C1QTNF1: variants seen among roughly 807,000 people sequenced by gnomAD.
C1QTNF1 encodes C1q and TNF related 1.
A neutral mutation model predicts 27.8 loss-of-function variants in C1QTNF1; 22 were observed. The observed-to-expected ratio is 0.79, with a 90% CI of 0.56 to 1.13. C1QTNF1 has a LOEUF of 1.13. Ranked by LOEUF, C1QTNF1 falls within the 50% of genes most tolerant of loss-of-function variation. The pLI is 0.00. For missense variants in C1QTNF1, 373 were observed against 380.2 expected, an observed-to-expected ratio of 0.98 and a Z score of 0.16; for synonymous variants, 166 against 154.3, an observed-to-expected ratio of 1.08 and a Z score of -0.56.
intron 1 of C1QTNF1, among the ~76,000 whole-genome samples, chr17:79,038,219 A>C (rs1170617672): frequency 6.6e-6 from 1 of 151,592 alleles, no homozygotes; most frequent in African/African-American, 2.4e-5. Context: ...TGAACTCCTG[A>C]CCTCAGGTGA....
In C1QTNF1 at chr17:79,048,346, T is replaced by G; in HGVS notation, c.*258T>G. 1 of 420,302 alleles carries G rather than the reference T, an allele frequency of 2.4e-6. No individual in the cohort carries two copies. The highest frequency in any genetic ancestry group is 7.4e-5 in the South Asian group (1 of 13,566). 26.0% of individuals were successfully genotyped at this position (420,302 alleles called of 1,614,324 possible). On this transcript the variant is annotated 3_prime_UTR_variant, in exon 4 of 4. Transcript: ENST00000579760. ...TCCGCGGCCCTCTCTGCACACATCC[T>G]CAAGTGACCCCGCACGGCGAGACGC...
chr17:79,031,211 T>C (rs1485560730), intron 1 of C1QTNF1, among the ~76,000 whole-genome samples: 1 of 150,734 alleles, frequency 6.6e-6, no homozygotes. Flanking sequence ...TTCACCATGT[T>C]AGCCAGGATG....
chr17:79,025,571 T>G (rs1402310340), intron 1 of C1QTNF1: 1 of 152,606 alleles, frequency 6.6e-6, no homozygotes, highest in African/African-American at 2.4e-5. Flanking sequence ...GCATGTGATG[T>G]CCTTACAGGC....
At chr17:79,047,238 C>CTTTTTTTTTTTT (rs372840829) in intron 3 of C1QTNF1, 3 of 261,836 alleles carry the variant, frequency 1.1e-5, no homozygotes, top group African/African-American at 7.5e-5. Context: ...TTTTTCTTTT[C>CTTTTTTTTTTTT]TTTTTTTTTT....
upstream of C1QTNF1, among the ~76,000 whole-genome samples, chr17:79,023,693 T>TGCGCGC (rs143597397): frequency 1.5e-4 from 21 of 136,214 alleles, no homozygotes; most frequent in African/African-American, 4.5e-4. Flanking sequence ...CCAAAGGTGA[T>TGCGCGC]GCGCGCGCGC....
In C1QTNF1 at chr17:79,046,581, G is replaced by A. The variant is rs1293529531; in HGVS notation, c.182G>A (p.Arg61Lys). 1 of 1,614,074 alleles carries A rather than the reference G, an allele frequency of 6.2e-7. No individual in the cohort carries two copies. Among genetic ancestry groups the A allele is most frequent in the African/African-American group, 1.3e-5 (1 of 74,942 alleles). Residue 61 changes from arginine (R) to lysine (K), a missense_variant, in exon 3 of 4, where the codon AGG becomes AAG. Coordinates refer to ENST00000579760, the MANE Select transcript of C1QTNF1 (RefSeq NM_030968.5). The surrounding 1 kb of genome is among the most constrained non-coding windows in gnomAD (Gnocchi z 4.8). ...ERAEEQHEKY[R>K]PSQDQGLPAS... ...GCTGAAGAACAACATGAAAAATACAGGCCCAGTCAGGACCAGGGGCTCCCT... is the reference window on the plus strand; with the variant it reads ...GCTGAAGAACAACATGAAAAATACAAGCCCAGTCAGGACCAGGGGCTCCCT...
intron 3 of C1QTNF1, chr17:79,047,002 GC>G: frequency 2.8e-6 from 1 of 355,552 alleles, no homozygotes. Flanking sequence ...TAGGCCCTTT[GC>G]TTTGGGGCTT....
chr17:79,030,477 TTC>T (rs1568060977), intron 1 of C1QTNF1, among the ~76,000 whole-genome samples: 5 of 112,010 alleles, frequency 4.5e-5, no homozygotes, highest in Admixed American at 1.9e-4. Context: ...CTTTCTTTCT[TTC>T]TTTCTTTTTC....
At chr17:79,042,595 G>A (rs1028843801) in intron 1 of C1QTNF1, among the ~76,000 whole-genome samples, 6 of 152,246 alleles carry the variant, frequency 3.9e-5, no homozygotes, top group Admixed American at 3.3e-4. Context: ...CCTACCCACC[G>A]GTGAAGGACC....
intron 2 of C1QTNF1, among the ~76,000 whole-genome samples, chr17:79,044,973 C>CG (rs951127682): frequency 2.4e-4 from 37 of 152,268 alleles, no homozygotes; most frequent in African/African-American, 8.4e-4. Context: ...CCCCCAGGCA[C>CG]GGGGGGACAC....
intron 1 of C1QTNF1, among the ~76,000 whole-genome samples, chr17:79,040,727 C>T (rs1229599150): frequency 2.4e-5 from 2 of 82,864 alleles, no homozygotes; most frequent in African/African-American, 6.1e-5. Context: ...AAATTTGTCT[C>T]TACAAAAAAA....
At position 79,046,773 on chromosome 17, in the gene C1QTNF1, G is replaced by C. The variant is rs1599310030; in HGVS notation, c.295+79G>C. ...CGGAGGAAGGGATGGAGTCGTTAGG[G>C]TGGGGCTAGGCGAGAGCAGAATGGC... On this transcript the variant is annotated intron_variant, in intron 3 of 3. Transcript: ENST00000579760. The surrounding 1 kb of genome is among the most constrained non-coding windows in gnomAD (Gnocchi z 4.8). The C allele has an allele frequency of 1.3e-6, 2 of 1,575,542 alleles. No homozygotes were observed. Among genetic ancestry groups the C allele is most frequent in the Non-Finnish European group, 8.7e-7 (1 of 1,153,404 alleles).
intron 1 of C1QTNF1, chr17:79,043,444 G>A (rs1481836558): frequency 6.6e-6 from 3 of 453,980 alleles, no homozygotes; most frequent in Non-Finnish European, 1.3e-5. Flanking sequence ...ATGTGAGCGT[G>A]TGGATTCCAT....
intron 1 of C1QTNF1, 61 bp downstream of exon 1, chr17:79,024,555 G>C (rs928281108): frequency 6.6e-6 from 1 of 152,274 alleles, no homozygotes; most frequent in Non-Finnish European, 1.5e-5. Flanking sequence ...CTTCAGCCTG[G>C]TGGCCAGGGC....
At chr17:79,030,485 TTTTCTTTCTTTCTTTCTTTCTTTC>T (rs199746385) in intron 1 of C1QTNF1, among the ~76,000 whole-genome samples, 7 of 121,870 alleles carry the variant, frequency 5.7e-5, no homozygotes, top group Middle Eastern at 3.9e-3. Flanking sequence ...CTTTCTTTCT[TTTTCTTTCTTTCTTTCTTTCTTTC>T]TTTCTTTCTT....
At position 79,048,061 on chromosome 17, in the gene C1QTNF1, C is replaced by G. The variant is rs776453165; in HGVS notation, c.819C>G (p.Tyr273Ter). The G allele has an allele frequency of 2.5e-6, 4 of 1,577,124 alleles. No homozygotes were observed. The East Asian group carries it at 9.0e-5, about 35-fold the overall frequency. ...ACACCTACATCACCTTCAGTGGCTA[C>G]CTGGTCAAGCACGCCACCGAGCCCT... ...ELDTYITFSG[Y>*]LVKHATEP Residue 273 changes from tyrosine to a stop codon, truncating the protein, a stop_gained, in exon 4 of 4, where the codon TAC (tyrosine) becomes TAG (stop). Coordinates refer to ENST00000579760, the MANE Select transcript of C1QTNF1 (RefSeq NM_030968.5). LOFTEE classifies it high-confidence loss of function.
chr17:79,037,859 A>G (rs994409029), intron 1 of C1QTNF1, among the ~76,000 whole-genome samples: 6 of 151,872 alleles, frequency 4.0e-5, no homozygotes, highest in Non-Finnish European at 5.9e-5. Flanking sequence ...TTTGGTAGAG[A>G]TGGGGCTTCA....
At position 79,046,373 on chromosome 17, in the gene C1QTNF1, C is replaced by T. The variant is rs1178620843; in HGVS notation, c.156-182C>T. On this transcript the variant is annotated intron_variant, in intron 2 of 3. Coordinates refer to ENST00000579760, the MANE Select transcript of C1QTNF1 (RefSeq NM_030968.5). The surrounding 1 kb of genome is among the most constrained non-coding windows in gnomAD (Gnocchi z 4.8). ...TGCCTTTAACAGAGGGCAGGGGGCT[C>T]GTTCGGTAGTGAGGATCCCAGAGTG... Among the ~76,000 whole-genome samples the T allele has an allele frequency of 6.6e-6, 1 of 152,080 alleles. No individual in the cohort carries two copies. Among genetic ancestry groups the T allele is most frequent in the Non-Finnish European group, 1.5e-5 (1 of 68,020 alleles).
intron 1 of C1QTNF1, 142 bp from the exon 2 acceptor site, chr17:79,043,813 G>C (rs1206693792): frequency 1.2e-6 from 1 of 867,114 alleles, no homozygotes; most frequent in South Asian, 1.4e-5. Context: ...CAGAAGCTGT[G>C]TAACTGCAGC....
Sources: gnomAD v4.1 joint callset for allele counts (sites outside exome capture counted in the v4.1 genomes callset) on GRCh38, gnomAD v4.1.1 for gene constraint, Gnocchi (gnomAD v3.1) non-coding constraint, MANE v1.5 for transcripts, NCBI Gene and HGNC (gene_info 2026-07-23, HGNC 2026-07-21) for gene names.